TEX36: variants seen among roughly 807,000 people sequenced by gnomAD.
TEX36 encodes the protein testis-expressed protein 36.
Under a neutral mutation model 13.6 loss-of-function variants are expected in TEX36, and 12 were observed. The observed-to-expected ratio is 0.88, with a 90% CI of 0.56 to 1.43. The LOEUF (loss-of-function observed/expected upper bound fraction) is 1.43. Among genes scored for constraint, TEX36 ranks in the 40% most tolerant of loss-of-function variants. The pLI is 0.00. For synonymous variants in TEX36, 93 were observed against 83.0 expected, an observed-to-expected ratio of 1.12 and a Z score of -0.65; for missense variants, 224 against 228.3, an observed-to-expected ratio of 0.98 and a Z score of 0.12.
At chr10:125,604,063 G>A (rs577085986) in intron 3 of TEX36, among the ~76,000 whole-genome samples, 1 of 152,148 alleles carries the variant, frequency 6.6e-6, no homozygotes, top group Non-Finnish European at 1.5e-5. Flanking sequence ...GGGTCTGTAT[G>A]TCAGAGTTGA....
chr10:125,667,172 T>C (rs1847137139), intron 1 of TEX36: 2 of 662,286 alleles, frequency 3.0e-6, no homozygotes, highest in Non-Finnish European at 5.7e-6. Context: ...GGGGGCACTG[T>C]GCGGTGCAGC....
chr10:125,640,245 G>T (rs1372007829), intron 3 of TEX36: 3 of 981,768 alleles, frequency 3.1e-6, no homozygotes, highest in Non-Finnish European at 3.6e-6. Context: ...AAGAAGGGAA[G>T]AAAATAGGAT....
At chr10:125,618,569 G>C (rs1846386895), downstream of TEX36, among the ~76,000 whole-genome samples, 2 of 152,036 alleles carry the variant, frequency 1.3e-5, no homozygotes. Context: ...GTCTGCCCCT[G>C]CTGGGGGGTG....
intron 1 of TEX36, among the ~76,000 whole-genome samples, chr10:125,676,671 CTTG>C (rs1479255832): frequency 6.6e-6 from 1 of 151,754 alleles, no homozygotes; most frequent in African/African-American, 2.4e-5. Flanking sequence ...AAATTGTTTT[CTTG>C]TTGTTTACAT....
intron 3 of TEX36, among the ~76,000 whole-genome samples, chr10:125,645,015 A>G (rs1846746820): frequency 6.6e-6 from 1 of 152,168 alleles, no homozygotes; most frequent in Admixed American, 6.5e-5. Flanking sequence ...CAGTCCTCTA[A>G]CCACAAGGAA....
chr10:125,639,725 A>C (rs1846662378), intron 3 of TEX36, among the ~76,000 whole-genome samples: 1 of 152,234 alleles, frequency 6.6e-6, no homozygotes, highest in Non-Finnish European at 1.5e-5. Context: ...CGTTGATTGA[A>C]GTTATCCAAC....
intron 1 of TEX36, among the ~76,000 whole-genome samples, chr10:125,674,026 T>A (rs1454537829): frequency 6.6e-6 from 1 of 152,198 alleles, no homozygotes; most frequent in African/African-American, 2.4e-5. Flanking sequence ...CCAACTTGGT[T>A]CTGTTCTCTC....
intron 1 of TEX36, among the ~76,000 whole-genome samples, chr10:125,669,491 AG>A (rs200750949): frequency 0.01 from 1,525 of 152,054 alleles, 22 homozygotes; most frequent in African/African-American, 0.034. Context: ...AAAAAAAAAA[AG>A]AAAAATTCCT....
chr10:125,610,090 T>C (rs1028363045), intron 3 of TEX36, among the ~76,000 whole-genome samples: 1 of 152,226 alleles, frequency 6.6e-6, no homozygotes, highest in Non-Finnish European at 1.5e-5. Flanking sequence ...AGCTGGAAGT[T>C]ATCCTAAATA....
intron 1 of TEX36, among the ~76,000 whole-genome samples, chr10:125,675,147 C>T (rs1236217859): frequency 6.6e-6 from 1 of 152,014 alleles, no homozygotes; most frequent in Non-Finnish European, 1.5e-5. Flanking sequence ...AGTCCTCATC[C>T]AGTGAAGAGG....
At position 125,661,929 on chromosome 10, in the gene TEX36, C is replaced by G. The variant is rs1409216256; in HGVS notation, c.100G>C (p.Ala34Pro). Residue 34 changes from alanine to proline, a missense_variant, in exon 2 of 4, where the codon GCT (alanine) becomes CCT (proline). Physicochemically the swap from Ala to Pro is conservative, Grantham distance 27 (BLOSUM62 -1). Transcript: ENST00000368821. ...GGACTCTGGGGCTCTTTTGACGTAG[C>G]ACTGGTGATGGATTCTGGTGTCTTT... ...TQKTPESITS[A>P]TSKEPQSPHL... The G allele has an allele frequency of 3.2e-6, 5 of 1,552,190 alleles. No individual in the cohort carries two copies. Among genetic ancestry groups the G allele is most frequent in the Non-Finnish European group, 4.4e-6 (5 of 1,147,136 alleles).
At chr10:125,581,182 C>A (rs73375961) in intron 3 of TEX36, among the ~76,000 whole-genome samples, 44 of 152,320 alleles carry the variant, frequency 2.9e-4, no homozygotes, top group African/African-American at 1.1e-3. Context: ...GTCTCTGATG[C>A]AACCAGGCAC....
At chr10:125,611,217 A>G (rs990768125) in intron 3 of TEX36, among the ~76,000 whole-genome samples, 3 of 152,216 alleles carry the variant, frequency 2.0e-5, no homozygotes, top group African/African-American at 7.2e-5. Flanking sequence ...GTACACATGC[A>G]TATTGATTTC....
chr10:125,662,996 A>G (rs1183809031), intron 1 of TEX36, among the ~76,000 whole-genome samples: 1 of 152,230 alleles, frequency 6.6e-6, no homozygotes, highest in Non-Finnish European at 1.5e-5. Context: ...GAAATTAAAA[A>G]GACAAGACCC....
chr10:125,641,199 G>A (rs981194095), intron 3 of TEX36, among the ~76,000 whole-genome samples: 10 of 152,098 alleles, frequency 6.6e-5, no homozygotes, highest in Admixed American at 2.0e-4. Flanking sequence ...TCTGATTCCC[G>A]TGCCTGGCCA....
At position 125,641,326 on chromosome 10, in the gene TEX36, C is replaced by T. The variant is rs147325948; in HGVS notation, c.265-19681G>A. Among the ~76,000 whole-genome samples, 84 of 152,314 alleles carry T rather than the reference C, an allele frequency of 5.5e-4. 1 individual carries two copies. Among genetic ancestry groups the T allele is most frequent in the African/African-American group, 1.8e-3 (75 of 41,572 alleles). On this transcript the variant is annotated intron_variant, in intron 3 of 3. Transcript: ENST00000526819. Reference sequence around the variant, plus strand: ...CTAAAGCAGACCAAAAGAGAATGTACGTCTCTAAAAAGAGGCAGGCATTTA... The same window carrying T: ...CTAAAGCAGACCAAAAGAGAATGTATGTCTCTAAAAAGAGGCAGGCATTTA...
intron 3 of TEX36, among the ~76,000 whole-genome samples, chr10:125,579,967 G>A (rs935934237): frequency 2.0e-5 from 3 of 152,188 alleles, no homozygotes; most frequent in Admixed American, 2.0e-4. Flanking sequence ...CCAGTTTGAA[G>A]TAAGCTTCTT....
At chr10:125,655,685 C>T (rs17151601), downstream of TEX36, 4,473 of 1,243,238 alleles carry the variant, frequency 3.6e-3, 152 homozygotes, top group African/African-American at 0.064. Flanking sequence ...TTTTAAAACT[C>T]CCCAAAAGTA....
intron 3 of TEX36, among the ~76,000 whole-genome samples, chr10:125,626,502 C>G (rs1846492400): frequency 6.6e-6 from 1 of 152,222 alleles, no homozygotes; most frequent in Non-Finnish European, 1.5e-5. Flanking sequence ...CCTCATCCAA[C>G]AGACATCGTG....
Sources: allele counts gnomAD v4.1 joint callset (sites outside exome capture counted in the v4.1 genomes callset), GRCh38; gene constraint gnomAD v4.1.1; transcripts MANE v1.5; gene names NCBI Gene and HGNC (gene_info 2026-07-23, HGNC 2026-07-21).